Variants in CELSR3 observed in about 807,000 individuals in gnomAD.
CELSR3 encodes cadherin EGF LAG seven-pass G-type receptor 3, also known as EGF-like protein 1.
A neutral mutation model predicts 270.0 loss-of-function variants in CELSR3; 73 were observed. The ratio of observed to expected loss-of-function variants is 0.27; its 90% CI spans 0.22 to 0.33. The LOEUF (loss-of-function observed/expected upper bound fraction) is 0.33. CELSR3 is among the 10% of genes least tolerant of loss of function. The pLI is 1.00. For synonymous variants in CELSR3, 1,780 were observed against 1,905.4 expected (o/e 0.93, Z 1.71); for missense variants, 3,614 against 4,533.8 (o/e 0.80, Z 5.83).
chr3:48,655,677 T>C lies in CELSR3; in HGVS notation c.4741+59A>G, dbSNP rs150792981. 1.0e-3 allele frequency: 1,495 copies of C among 1,427,518 alleles called. 17 individuals are homozygous for C. The African/African-American group carries it at 0.018, about 17-fold the overall frequency. 88.4% of individuals were successfully genotyped at this position (1,427,518 alleles called of 1,614,324 possible). On this transcript the variant is annotated intron_variant, in intron 4 of 34. Coordinates refer to ENST00000164024, the MANE Select transcript of CELSR3 (RefSeq NM_001407.3). This position sits in a 1 kb window ranked among gnomAD's most constrained non-coding sequence, Gnocchi z 5.8. ...ACAGTGAAGCAAACCTGAGGGGACT[T>C]GGGCCCTGCGTCCTCCAGCACACAC...
At chr3:48,647,002 G>C in intron 20 of CELSR3, 74 bp from the exon 21 acceptor site, 1 of 1,370,968 alleles carries the variant, frequency 7.3e-7, no homozygotes. Context: ...CTCTGAACCC[G>C]ATCAAGCATG....
Position 48,646,347 on chromosome 3 carries a change from G to A in CELSR3, c.7296-90C>T. On this transcript the variant is annotated intron_variant, in intron 21 of 34. Coordinates refer to ENST00000164024, the MANE Select transcript of CELSR3 (RefSeq NM_001407.3). This position sits in a 1 kb window ranked among gnomAD's most constrained non-coding sequence, Gnocchi z 4.8. ...CCCCGTCTTCATGCCACTCGCCAGG[G>A]CTGACCCAGGGTCTGGGATGTCCCC... 2.9e-6 allele frequency: 4 copies of A among 1,375,998 alleles called. No homozygotes were observed. The highest frequency in any genetic ancestry group is 3.9e-6 in the Non-Finnish European group (4 of 1,016,622). The allele number at this position is 1,375,998 out of a possible 1,614,324, so 85.2% of individuals were successfully genotyped here.
Position 48,661,597 on chromosome 3 carries a change from G to A in CELSR3, c.1038C>T (p.Arg346=). The A allele has an allele frequency of 6.2e-7, 1 of 1,609,458 alleles. No individual in the cohort carries two copies. ...ENEAAGTAVL[R]VVAQDPDAGE... ...CGGCGTCCGGGTCCTGAGCAACCAC[G>A]CGTAGCACCGCGGTGCCTGCTGCCT... is the stretch of plus-strand genomic sequence containing the variant. The change falls in exon 1 of 35, where the codon CGC becomes CGT. Residue 346 remains arginine, a synonymous_variant. Transcript: ENST00000164024.
rs988071056 is a variant in CELSR3 at position 48,654,890 on chromosome 3, T to C, written c.4988+154A>G. Among the ~76,000 whole-genome samples the C allele has an allele frequency of 1.5e-4, 23 of 149,000 alleles. No individual in the cohort carries two copies. Among genetic ancestry groups the C allele is most frequent in the African/African-American group, 5.7e-4 (23 of 40,170 alleles). The stretch of plus-strand genomic sequence containing the variant: ...ATACAGGATTGGGGGCTAGGGTGAG[T>C]AGGCTTTCAGGGTCTTTGAGAGGAG... On this transcript the variant is annotated intron_variant, in intron 6 of 34. Coordinates refer to ENST00000164024, the MANE Select transcript of CELSR3 (RefSeq NM_001407.3). This position sits in a 1 kb window ranked among gnomAD's most constrained non-coding sequence, Gnocchi z 5.4.
At chr3:48,656,516 C>G in intron 2 of CELSR3, 151 bp from the exon 3 acceptor site, 2 of 1,140,362 alleles carry the variant, frequency 1.8e-6, no homozygotes, top group Non-Finnish European at 1.2e-6. Flanking sequence ...GCCCCGCCCC[C>G]TCCCCAGTCT....
In CELSR3 at chr3:48,640,686, T is replaced by C. The variant is rs1360161249; in HGVS notation, c.9026-127A>G. On this transcript the variant is annotated intron_variant, in intron 33 of 34. Coordinates refer to ENST00000164024, the MANE Select transcript of CELSR3 (RefSeq NM_001407.3). The surrounding 1 kb of genome is among the most constrained non-coding windows in gnomAD (Gnocchi z 7.5). Reference sequence around the variant, plus strand: ...CACAGGGATGGGAGCAGGAACCCCTTGGGGAGCAGCAGAGGCAACCCTGGT... The same window carrying C: ...CACAGGGATGGGAGCAGGAACCCCTCGGGGAGCAGCAGAGGCAACCCTGGT... 3.7e-6 allele frequency: 4 copies of C among 1,082,818 alleles called. No individual in the cohort carries two copies. In the East Asian group the frequency reaches 8.1e-5, roughly 22 times the overall value. 67.1% of individuals were successfully genotyped at this position (1,082,818 alleles called of 1,614,324 possible). A position where few individuals can be genotyped will look rare whatever the true frequency, so the allele number is the denominator to read the frequency against.
rs1287104506 is a variant in CELSR3 at position 48,646,870 on chromosome 3, T to G, written c.7188A>C (p.Pro2396=). Residue 2396 remains proline, a synonymous_variant, in exon 21 of 35, where the codon CCA becomes CCC. Transcript: ENST00000164024. The surrounding 1 kb of genome is among the most constrained non-coding windows in gnomAD (Gnocchi z 4.8). Reference sequence around the variant, plus strand: ...TCCCAGGCTCTGGCTCTGGCGGGGCTGGTGGGGGGACCACACTTGAGGTGG... The same window carrying G: ...TCCCAGGCTCTGGCTCTGGCGGGGCGGGTGGGGGGACCACACTTGAGGTGG... ...NSTTSSVVPP[P]APPEPEPGIS... 4 of 1,590,676 alleles carry G rather than the reference T, an allele frequency of 2.5e-6. No homozygotes were observed. Among genetic ancestry groups the G allele is most frequent in the Non-Finnish European group, 3.4e-6 (4 of 1,171,748 alleles).
chr3:48,650,690 G>T lies in CELSR3; in HGVS notation c.6371-109C>A. ...ACAAGGCCCACTGCCCGCCACTCCT[G>T]CTGGCTTCTCAGGAGCTGACCTGTC... On this transcript the variant is annotated intron_variant, in intron 15 of 34. Transcript: ENST00000164024. The surrounding 1 kb of genome is among the most constrained non-coding windows in gnomAD (Gnocchi z 5.1). The T allele has an allele frequency of 9.3e-7, 1 of 1,074,430 alleles. No homozygotes were observed. Among genetic ancestry groups the T allele is most frequent in the Admixed American group, 2.8e-5 (1 of 35,510 alleles). 66.6% of individuals were successfully genotyped at this position (1,074,430 alleles called of 1,614,324 possible).
chr3:48,640,478 G>A lies in CELSR3; in HGVS notation c.9107C>T (p.Thr3036Ile). ...AGCTGGCACAGCACGGTGGCCCAAGGTGGCTGCACGGCACCAGGACAGCTC... is the reference window on the plus strand; with the variant it reads ...AGCTGGCACAGCACGGTGGCCCAAGATGGCTGCACGGCACCAGGACAGCTC... Reference protein sequence around the residue: ...APELSWCRAATLGHRAVPAAS... With the variant: ...APELSWCRAAILGHRAVPAAS... The change falls in exon 34 of 35, where the codon ACC (threonine) becomes ATC (isoleucine). Residue 3036 changes from threonine (T) to isoleucine (I), a missense_variant. By Grantham distance (89) the Thr-to-Ile change is moderately conservative (BLOSUM62 -1). This residue lies in a region of CELSR3 where 1,240 missense variants were observed against 1,351.7 expected (regional missense o/e 0.92). Transcript: ENST00000164024. The surrounding 1 kb of genome is among the most constrained non-coding windows in gnomAD (Gnocchi z 7.5). 1 of 1,612,218 alleles carries A rather than the reference G, an allele frequency of 6.2e-7. No individual in the cohort carries two copies.
rs765127568 is a variant in CELSR3 at position 48,645,759 on chromosome 3, C to T, written c.7573G>A (p.Asp2525Asn). 12 of 1,610,462 alleles carry T rather than the reference C, an allele frequency of 7.5e-6. No homozygotes were observed. Among genetic ancestry groups the T allele is most frequent in the Non-Finnish European group, 1.0e-5 (12 of 1,178,180 alleles). The change falls in exon 23 of 35, where the codon GAT (aspartate) becomes AAT (asparagine). Residue 2525 changes from aspartate to asparagine, a missense_variant. Transcript: ENST00000164024. The surrounding 1 kb of genome is among the most constrained non-coding windows in gnomAD (Gnocchi z 5.4). ...AGCCCCACCTCACGGGGAGAGGCAT[C>T]CATGAGGACCCCAAAGGTCCCTGTC... ...SRTGTFGVLMDASPRERLEGD... is the reference protein window; with the variant it reads ...SRTGTFGVLMNASPRERLEGD...
rs954312128 is a variant in CELSR3, at chr3:48,651,825, G to A, written c.5923+52C>T. ...TTCAGGTTCCCCAGTCTTCATCATG[G>A]GCCCCTAACGCCTGCCCAGGTCACC... On this transcript the variant is annotated intron_variant, in intron 12 of 34. Coordinates refer to ENST00000164024, the MANE Select transcript of CELSR3 (RefSeq NM_001407.3). The surrounding 1 kb of genome is among the most constrained non-coding windows in gnomAD (Gnocchi z 7.4). 1 of 1,556,798 alleles carries A rather than the reference G, an allele frequency of 6.4e-7. No individual in the cohort carries two copies. The highest frequency in any genetic ancestry group is 8.7e-7 in the Non-Finnish European group (1 of 1,154,802).
In CELSR3 at chr3:48,641,252, G is replaced by A; in HGVS notation, c.9025+72C>T. On this transcript the variant is annotated intron_variant, in intron 33 of 34. Transcript: ENST00000164024. This position sits in a 1 kb window ranked among gnomAD's most constrained non-coding sequence, Gnocchi z 4.8. ...GCTCTCAGTTTGGGATGAGGAAGCT[G>A]CAATCCCTTGGCTCAGGGCATGAGC... 9.9e-7 allele frequency: 1 copy of A among 1,007,446 alleles called. No individual in the cohort carries two copies. 62.4% of individuals were successfully genotyped at this position (1,007,446 alleles called of 1,614,324 possible). A position where few individuals can be genotyped will look rare whatever the true frequency, so the allele number is the denominator to read the frequency against.
At position 48,651,704 on chromosome 3, in the gene CELSR3, CTGGG is replaced by C; in HGVS notation, c.5934_5937del (p.Pro1979AlafsTer8). 1 of 1,555,804 alleles carries C rather than the reference CTGGG, an allele frequency of 6.4e-7. No individual in the cohort carries two copies. Among genetic ancestry groups the C allele is most frequent in the Non-Finnish European group, 8.7e-7 (1 of 1,155,630 alleles). ...TTCAGGAGGCAGGCATCCACACAGC[CTGGG>C]CCGTAGTAACCTGCAGATTGGGTCA... On this transcript the variant is annotated frameshift_variant, in exon 13 of 35. Coordinates refer to ENST00000164024, the MANE Select transcript of CELSR3 (RefSeq NM_001407.3). LOFTEE classifies it high-confidence loss of function. This position sits in a 1 kb window ranked among gnomAD's most constrained non-coding sequence, Gnocchi z 7.4.
rs2047023003 is a variant in CELSR3 at position 48,641,174 on chromosome 3, G to A, written c.9025+150C>T. On this transcript the variant is annotated intron_variant, in intron 33 of 34. Transcript: ENST00000164024. This position sits in a 1 kb window ranked among gnomAD's most constrained non-coding sequence, Gnocchi z 4.8. ...AGGTCAGGACAGGAGCAGTCCCTGA[G>A]GACCGTGAAGCAGGCTAGAGAAGCA... The A allele has an allele frequency of 1.1e-5, 7 of 643,452 alleles. 1 individual carries two copies. In the South Asian group the frequency reaches 1.1e-4, roughly 10 times the overall value. 39.9% of individuals were successfully genotyped at this position (643,452 alleles called of 1,614,324 possible).
rs149606529 is a variant in CELSR3 at position 48,646,150 on chromosome 3, C to T, written c.7403G>A (p.Arg2468His). The T allele has an allele frequency of 1.8e-5, 29 of 1,612,736 alleles. No homozygotes were observed. Among genetic ancestry groups the T allele is most frequent in the African/African-American group, 1.3e-5 (1 of 74,926 alleles). The change falls in exon 22 of 35, where the codon CGC (arginine) becomes CAC (histidine). Residue 2468 changes from arginine to histidine, a missense_variant. By Grantham distance (29) the Arg-to-His change is conservative (BLOSUM62 0). This residue lies in a region of CELSR3 where 1,240 missense variants were observed against 1,351.7 expected (regional missense o/e 0.92). Coordinates refer to ENST00000164024, the MANE Select transcript of CELSR3 (RefSeq NM_001407.3). This position sits in a 1 kb window ranked among gnomAD's most constrained non-coding sequence, Gnocchi z 4.8. ...GCTCCGATTCGCTGTCTGTAGCAGG[C>T]GAAACTCTAGGCTGATGGGGGACTC... ...ILESPISLEFRLLQTANRSKA... is the reference protein window; with the variant it reads ...ILESPISLEFHLLQTANRSKA...
chr3:48,660,436 T>C lies in CELSR3; in HGVS notation c.2199A>G (p.Ser733=). The C allele has an allele frequency of 6.2e-7, 1 of 1,613,982 alleles. No individual in the cohort carries two copies. The highest frequency in any genetic ancestry group is 8.5e-7 in the Non-Finnish European group (1 of 1,180,014). ...FFGVEARDHG[S]PPLSASASVT... is the part of the protein sequence containing the mutation. ...CACTGGCTGAGGCAGAGAGTGGGGG[T>C]GAGCCATGGTCTCGAGCCTCCACAC... Residue 733 remains serine (S), a synonymous_variant, in exon 1 of 35, where the codon TCA becomes TCG. Coordinates refer to ENST00000164024, the MANE Select transcript of CELSR3 (RefSeq NM_001407.3). The surrounding 1 kb of genome is among the most constrained non-coding windows in gnomAD (Gnocchi z 5.5).
At chr3:48,656,015 C>T (rs2047177609) in intron 3 of CELSR3, 125 bp downstream of exon 3, 1 of 1,125,454 alleles carries the variant, frequency 8.9e-7, no homozygotes. Flanking sequence ...CAGGAGACCC[C>T]GGGCGGGGCG....
chr3:48,653,673 C>T lies in CELSR3; in HGVS notation c.5394G>A (p.Thr1798=), dbSNP rs183034131. ...YLGLAFRTRA[T]QGVLMQVQAG... ...CCTGCACTTGCATCAGGACCCCCTGCGTTGCCCGTGTCCGAAATGCCAGCC... is the reference window on the plus strand; with the variant it reads ...CCTGCACTTGCATCAGGACCCCCTGTGTTGCCCGTGTCCGAAATGCCAGCC... Residue 1798 remains threonine, a synonymous_variant, in exon 9 of 35, where the codon ACG becomes ACA. Coordinates refer to ENST00000164024, the MANE Select transcript of CELSR3 (RefSeq NM_001407.3). The surrounding 1 kb of genome is among the most constrained non-coding windows in gnomAD (Gnocchi z 6.5). The T allele has an allele frequency of 1.2e-5, 19 of 1,614,170 alleles. No homozygotes were observed. Among genetic ancestry groups the T allele is most frequent in the East Asian group, 2.2e-5 (1 of 44,892 alleles).
In CELSR3 at chr3:48,662,730, G is replaced by T; in HGVS notation, c.-96C>A. 2.9e-6 allele frequency: 1 copy of T among 342,124 alleles called. No homozygotes were observed. Among genetic ancestry groups the T allele is most frequent in the Non-Finnish European group, 4.5e-6 (1 of 224,506 alleles). 21.2% of individuals were successfully genotyped at this position (342,124 alleles called of 1,614,324 possible). Reference sequence around the variant, plus strand: ...GGCCCCCTCCCGGGCCCCTGCCGCCGCCCCGGGCCCCCGCCCCTCCGCCTG... The same window carrying T: ...GGCCCCCTCCCGGGCCCCTGCCGCCTCCCCGGGCCCCCGCCCCTCCGCCTG... On this transcript the variant is annotated 5_prime_UTR_variant, in exon 1 of 35. Coordinates refer to ENST00000164024, the MANE Select transcript of CELSR3 (RefSeq NM_001407.3). This position sits in a 1 kb window ranked among gnomAD's most constrained non-coding sequence, Gnocchi z 7.1.
Sources: allele counts gnomAD v4.1 joint callset (sites outside exome capture counted in the v4.1 genomes callset), GRCh38; gene constraint gnomAD v4.1.1; regional missense constraint gnomAD v4.1.1; non-coding constraint Gnocchi (gnomAD v3.1); transcripts MANE v1.5; gene names NCBI Gene and HGNC (gene_info 2026-07-23, HGNC 2026-07-21).